The following MPPED1 variants were observed in gnomAD, a reference collection of about 807,000 sequenced individuals.
The protein encoded by MPPED1 is metallophosphoesterase domain-containing protein 1.
Under a neutral mutation model 36.2 loss-of-function variants are expected in MPPED1, and 16 were observed. The observed-to-expected ratio is 0.44, with a 90% CI of 0.30 to 0.67. The LOEUF (loss-of-function observed/expected upper bound fraction) is 0.67, where lower values mean the gene tolerates loss of function less well. MPPED1 is among the 30% of genes least tolerant of loss of function. The probability of loss-of-function intolerance (pLI) is 0.10; values close to 1 mark genes in which losing one functional copy is unlikely to be tolerated. For synonymous variants in MPPED1, 199 were observed against 191.3 expected (o/e 1.04, Z -0.33); for missense variants, 307 against 453.4 (o/e 0.68, Z 2.93).
chr22:43,482,688 C>T (rs1454038784), intron 4 of MPPED1, among the ~76,000 whole-genome samples: 1 of 152,200 alleles, frequency 6.6e-6, no homozygotes, highest in Admixed American at 6.5e-5. Flanking sequence ...CATACACCTG[C>T]TGCTCGACGT....
chr22:43,439,263 C>T (rs182975842), intron 3 of MPPED1, among the ~76,000 whole-genome samples: 1 of 152,348 alleles, frequency 6.6e-6, no homozygotes, highest in Non-Finnish European at 1.5e-5. Context: ...CCCCTTTTCC[C>T]CCTTGGCCAT....
Position 43,504,082 on chromosome 22 carries a change from A to T in MPPED1, c.862+1325A>T, listed in dbSNP as rs557761842. Among the ~76,000 whole-genome samples the T allele has an allele frequency of 3.9e-5, 6 of 152,154 alleles. No homozygotes were observed. In the East Asian group the frequency reaches 1.2e-3, roughly 29 times the overall value. On this transcript the variant is annotated intron_variant, in intron 6 of 6. Coordinates refer to ENST00000443721, the MANE Select transcript of MPPED1 (RefSeq NM_001044370.2). Reference sequence around the variant, plus strand: ...GTGAGAGGATGGTAGTGATAGTAGTAATGATGATGATGGCCATGTTCACAG... The same window carrying T: ...GTGAGAGGATGGTAGTGATAGTAGTTATGATGATGATGGCCATGTTCACAG...
At chr22:43,434,861 C>T (rs1300056443) in intron 2 of MPPED1, among the ~76,000 whole-genome samples, 173 bp from the exon 3 acceptor site, 2 of 152,228 alleles carry the variant, frequency 1.3e-5, no homozygotes, top group African/African-American at 2.4e-5. Context: ...TGAGAGAAGT[C>T]AGGATTCGGG....
At chr22:43,415,225 C>CAAAAAAAAAAA (rs34357060) in intron 1 of MPPED1, among the ~76,000 whole-genome samples, 15 of 49,400 alleles carry the variant, frequency 3.0e-4, no homozygotes, top group East Asian at 1.0e-3. Flanking sequence ...ATGTCAAAAG[C>CAAAAAAAAAAA]AAAAAAAAAA....
chr22:43,479,015 C>G (rs1403507162), intron 4 of MPPED1, among the ~76,000 whole-genome samples: 1 of 152,184 alleles, frequency 6.6e-6, no homozygotes, highest in Admixed American at 6.5e-5. Context: ...GTATTCACGG[C>G]TGAAGAACCC....
In MPPED1 at chr22:43,474,156, G is replaced by C. The variant is rs80314856; in HGVS notation, c.407-580G>C. 0.035 allele frequency among the ~76,000 whole-genome samples: 5,255 copies of C among 152,294 alleles called. 130 individuals carry two copies. Among genetic ancestry groups the C allele is most frequent in the Admixed American group, 0.065 (987 of 15,296 alleles). ...AGGATAAAGAGTCCAAGATACCCAG[G>C]GGGTGGGGGCCTGGGACCGTGAGGC... On this transcript the variant is annotated intron_variant, in intron 3 of 6. Transcript: ENST00000443721. This position sits in a 1 kb window ranked among gnomAD's most constrained non-coding sequence, Gnocchi z 5.2.
At chr22:43,441,812 G>T (rs528990490) in intron 3 of MPPED1, among the ~76,000 whole-genome samples, 3 of 152,224 alleles carry the variant, frequency 2.0e-5, no homozygotes, top group Non-Finnish European at 4.4e-5. Flanking sequence ...CAGTTTCTTT[G>T]GTTCTTGCCT....
intron 4 of MPPED1, among the ~76,000 whole-genome samples, chr22:43,496,571 ATGGTGG>A (rs1168193228): frequency 2.2e-4 from 1 of 4,598 alleles, no homozygotes. Flanking sequence ...GGTGGTGGAG[ATGGTGG>A]TGGTGGTGGT....
chr22:43,498,507 TA>T (rs201372585), intron 5 of MPPED1, among the ~76,000 whole-genome samples, 157 bp downstream of exon 5: 20,846 of 151,572 alleles, frequency 0.14, 2,840 homozygotes, highest in African/African-American at 0.35. Context: ...TGGTCCCTCT[TA>T]TTTCCTGAGT....
intron 4 of MPPED1, among the ~76,000 whole-genome samples, chr22:43,494,694 A>AGTGGTGGTAGTGGTGGTGGTGGTGGTG (rs1555904083): frequency 7.3e-6 from 1 of 136,814 alleles, no homozygotes; most frequent in Non-Finnish European, 1.6e-5. Flanking sequence ...TTTGATTCAC[A>AGTGGTGGTAGTGGTGGTGGTGGTGGTG]GTGGTGGTGG....
At chr22:43,489,982 G>A (rs149100697) in intron 4 of MPPED1, among the ~76,000 whole-genome samples, 67,010 of 152,018 alleles carry the variant, frequency 0.44, 15,000 homozygotes, top group Non-Finnish European at 0.46. Context: ...GGGACACAGA[G>A]GAGAGCAAGA....
chr22:43,481,259 C>T (rs548607372), intron 4 of MPPED1, among the ~76,000 whole-genome samples: 3 of 152,268 alleles, frequency 2.0e-5, no homozygotes, highest in African/African-American at 7.2e-5. Context: ...ACCCTCCTGG[C>T]CTAGCACCAT....
At chr22:43,491,862 GTGGTGA>G (rs567668779) in intron 4 of MPPED1, among the ~76,000 whole-genome samples, 1,806 of 150,558 alleles carry the variant, frequency 0.012, 41 homozygotes, top group Admixed American at 0.042. Flanking sequence ...GATGGAGGTG[GTGGTGA>G]TGGTGATGGT....
chr22:43,437,825 G>A (rs1345860769), intron 3 of MPPED1, among the ~76,000 whole-genome samples: 1 of 152,186 alleles, frequency 6.6e-6, no homozygotes, highest in Non-Finnish European at 1.5e-5. Context: ...CCAGATCTGG[G>A]CTCCCCTGGG....
intron 4 of MPPED1, among the ~76,000 whole-genome samples, chr22:43,479,977 C>T (rs1931698613): frequency 6.6e-6 from 1 of 152,170 alleles, no homozygotes; most frequent in Non-Finnish European, 1.5e-5. Flanking sequence ...ATCCCCCCAC[C>T]TCAGCCTCCC....
At chr22:43,430,609 C>T (rs1216789826) in intron 2 of MPPED1, among the ~76,000 whole-genome samples, 3 of 152,196 alleles carry the variant, frequency 2.0e-5, no homozygotes, top group African/African-American at 7.2e-5. Context: ...TGTCAGGTCT[C>T]AGAACCACCC....
Position 43,481,220 on chromosome 22 carries a change from G to A in MPPED1, c.632+6259G>A, listed in dbSNP as rs368029386. On this transcript the variant is annotated intron_variant, in intron 4 of 6. Transcript: ENST00000443721. Reference sequence around the variant, plus strand: ...GATTGTGTTGATGGTGTGAGATAGGGATCTTGTTCAGGGTTTTTCCACATG... The same window carrying A: ...GATTGTGTTGATGGTGTGAGATAGGAATCTTGTTCAGGGTTTTTCCACATG... Among the ~76,000 whole-genome samples, 26 of 152,250 alleles carry A rather than the reference G, an allele frequency of 1.7e-4. No individual in the cohort carries two copies. The South Asian group carries it at 5.2e-3, about 30-fold the overall frequency.
intron 3 of MPPED1, 57 bp downstream of exon 3, chr22:43,435,272 C>T (rs1929917711): frequency 6.5e-7 from 1 of 1,533,704 alleles, no homozygotes; most frequent in South Asian, 1.2e-5. Context: ...GGGCTCCCGC[C>T]AGCTCCCGAG....
intron 3 of MPPED1, among the ~76,000 whole-genome samples, chr22:43,453,476 G>A (rs1382083555): frequency 6.6e-6 from 1 of 152,074 alleles, no homozygotes; most frequent in Non-Finnish European, 1.5e-5. Context: ...ATTTCCTGGT[G>A]AGTTGGAACC....
Sources: gnomAD v4.1 joint callset for allele counts (sites outside exome capture counted in the v4.1 genomes callset) on GRCh38, gnomAD v4.1.1 for gene constraint, Gnocchi (gnomAD v3.1) non-coding constraint, MANE v1.5 for transcripts, NCBI Gene and HGNC (gene_info 2026-07-23, HGNC 2026-07-21) for gene names.